SLX9: variants seen among roughly 807,000 people sequenced by gnomAD.
The protein encoded by SLX9 is ribosome biogenesis protein SLX9 homolog.
A neutral mutation model predicts 20.8 loss-of-function variants in SLX9; 19 were observed. That is an observed-to-expected ratio of 0.91 (90% CI 0.64 to 1.34). SLX9 has a LOEUF of 1.34. Ranked by LOEUF, SLX9 falls within the 40% of genes most tolerant of loss-of-function variation. The pLI, the probability that SLX9 is intolerant of heterozygous loss-of-function variation, is 0.00. For missense variants in SLX9, 299 were observed against 322.2 expected, an observed-to-expected ratio of 0.93 and a Z score of 0.55; for synonymous variants, 113 against 137.1, an observed-to-expected ratio of 0.82 and a Z score of 1.23.
intron 3 of SLX9, among the ~76,000 whole-genome samples, chr21:44,966,406 C>A (rs1318147079): frequency 6.6e-6 from 1 of 152,214 alleles, no homozygotes; most frequent in Non-Finnish European, 1.5e-5. Context: ...CCAGGAGCCA[C>A]GTGCAGTGAG....
chr21:44,975,495 T>G (rs2085245031), intron 5 of SLX9, among the ~76,000 whole-genome samples: 1 of 152,182 alleles, frequency 6.6e-6, no homozygotes, highest in Non-Finnish European at 1.5e-5. Context: ...CTGCAGCCCC[T>G]CCCCGTGCAG....
intron 2 of SLX9, among the ~76,000 whole-genome samples, chr21:44,952,204 T>C (rs780976423): frequency 1.5e-4 from 23 of 152,382 alleles, no homozygotes; most frequent in Non-Finnish European, 3.2e-4. Context: ...CAGGCCTTTG[T>C]GGGCCGTGCA....
intron 2 of SLX9, chr21:44,959,383 A>C (rs1029302528): frequency 2.3e-6 from 1 of 428,450 alleles, no homozygotes; most frequent in African/African-American, 2.2e-5. Context: ...GTTTCAGAGC[A>C]AACTGGAGTC....
intron 4 of SLX9, chr21:44,969,390 A>G (rs918617961): frequency 2.7e-5 from 10 of 374,288 alleles, no homozygotes; most frequent in African/African-American, 1.9e-4. Flanking sequence ...TGGCGCTCCC[A>G]GAAGGGAGAG....
At chr21:44,953,961 T>A (rs546746844) in intron 2 of SLX9, among the ~76,000 whole-genome samples, 1 of 152,256 alleles carries the variant, frequency 6.6e-6, no homozygotes, top group Non-Finnish European at 1.5e-5. Flanking sequence ...GCGGTGGTTC[T>A]GTCTCTTGCT....
At chr21:44,969,175 C>A (rs746550382) in intron 4 of SLX9, 1 of 470,724 alleles carries the variant, frequency 2.1e-6, no homozygotes, top group Non-Finnish European at 4.4e-6. Flanking sequence ...TGCCCAGGCT[C>A]GAGGGTGGCA....
intron 2 of SLX9, among the ~76,000 whole-genome samples, chr21:44,945,794 T>A (rs2084630852): frequency 6.6e-6 from 1 of 152,240 alleles, no homozygotes; most frequent in African/African-American, 2.4e-5. Context: ...CACTGCAACC[T>A]CCGCCTCCTG....
At chr21:44,970,739 C>T (rs1937962918) in intron 4 of SLX9, among the ~76,000 whole-genome samples, 1 of 152,216 alleles carries the variant, frequency 6.6e-6, no homozygotes, top group Admixed American at 6.5e-5. Context: ...CAGCCTCTCC[C>T]TCCCAGCCTG....
At chr21:44,973,055 T>C in intron 4 of SLX9, 142 bp from the exon 5 acceptor site, 1 of 417,368 alleles carries the variant, frequency 2.4e-6, no homozygotes, top group Non-Finnish European at 3.4e-6. Context: ...CAGTGCAGCT[T>C]GGAACTTGTG....
At chr21:44,943,502 C>T (rs958145080) in intron 1 of SLX9, among the ~76,000 whole-genome samples, 182 bp from the exon 2 acceptor site, 1 of 152,172 alleles carries the variant, frequency 6.6e-6, no homozygotes, top group Non-Finnish European at 1.5e-5. Context: ...TGCCCTGGAG[C>T]TCTGGAACCG....
At chr21:44,948,264 CA>C (rs1395242902) in intron 2 of SLX9, among the ~76,000 whole-genome samples, 1 of 148,700 alleles carries the variant, frequency 6.7e-6, no homozygotes, top group African/African-American at 2.5e-5. Flanking sequence ...GGTCGTGAAG[CA>C]TCGGGCGGTC....
intron 2 of SLX9, among the ~76,000 whole-genome samples, chr21:44,946,646 G>A (rs1338134504): frequency 6.6e-6 from 1 of 152,238 alleles, no homozygotes; most frequent in Non-Finnish European, 1.5e-5. Flanking sequence ...CCAGGAGGCT[G>A]TCCTGTGGGA....
At chr21:44,966,701 C>T (rs1316535686) in intron 3 of SLX9, among the ~76,000 whole-genome samples, 1 of 152,218 alleles carries the variant, frequency 6.6e-6, no homozygotes, top group Non-Finnish European at 1.5e-5. Context: ...CCTCATTCCC[C>T]TCTGTCCCCT....
intron 3 of SLX9, among the ~76,000 whole-genome samples, chr21:44,965,638 G>A (rs1003818964): frequency 2.0e-5 from 3 of 152,228 alleles, no homozygotes; most frequent in Non-Finnish European, 4.4e-5. Flanking sequence ...ACTGTGGAGG[G>A]TCACCCTGAG....
At chr21:44,959,245 G>T (rs2084911746) in intron 2 of SLX9, 1 of 985,326 alleles carries the variant, frequency 1.0e-6, no homozygotes, top group South Asian at 4.7e-5. Flanking sequence ...TGTTGGACAA[G>T]CCAGGAAGGT....
Position 44,940,147 on chromosome 21 carries a change from C to G in SLX9, c.90C>G (p.Ala30=), listed in dbSNP as rs1601361518. The change falls in exon 1 of 6, where the codon GCC becomes GCG. Residue 30 remains alanine (A), a synonymous_variant. Coordinates refer to ENST00000291634, the MANE Select transcript of SLX9 (RefSeq NM_058190.4). ...GEAAPGPAPP[A]PEATPPPASA... is the part of the protein sequence containing the mutation. ...CCGCCCCCGGCCCCGCGCCCCCTGC[C>G]CCGGAGGCGACCCCTCCGCCGGCCT... is the stretch of plus-strand genomic sequence containing the variant. 1 of 1,312,920 alleles carries G rather than the reference C, an allele frequency of 7.6e-7. No individual in the cohort carries two copies. The highest frequency in any genetic ancestry group is 9.7e-7 in the Non-Finnish European group (1 of 1,026,766). 81.3% of individuals were successfully genotyped at this position (1,312,920 alleles called of 1,614,324 possible).
intron 4 of SLX9, among the ~76,000 whole-genome samples, chr21:44,971,824 C>T (rs1239685327): frequency 6.6e-6 from 1 of 152,156 alleles, no homozygotes; most frequent in Non-Finnish European, 1.5e-5. Context: ...GGCAGAGCTT[C>T]TGCATCGGGG....
upstream of SLX9, chr21:44,939,838 G>A (rs2084504712): frequency 1.8e-6 from 1 of 566,974 alleles, no homozygotes; most frequent in Middle Eastern, 4.7e-4. Context: ...CGTGCTCCGC[G>A]CCACCCGCGT....
At chr21:44,964,983 G>A (rs936895870) in intron 3 of SLX9, among the ~76,000 whole-genome samples, 10 of 152,106 alleles carry the variant, frequency 6.6e-5, no homozygotes, top group Admixed American at 2.0e-4. Context: ...TCTGCCCTGC[G>A]TCCACTGAGT....
Sources: allele counts gnomAD v4.1 joint callset (sites outside exome capture counted in the v4.1 genomes callset), GRCh38; gene constraint gnomAD v4.1.1; transcripts MANE v1.5; gene names NCBI Gene and HGNC (gene_info 2026-07-23, HGNC 2026-07-21).